The following DCLK2 variants were observed in gnomAD, a reference collection of about 807,000 sequenced individuals.
The protein encoded by DCLK2 is doublecortin like kinase 2.
DCLK2 carries 31 observed loss-of-function variants against 78.4 expected under a neutral mutation model. That is an observed-to-expected ratio of 0.40 (90% CI 0.30 to 0.53). The LOEUF (loss-of-function observed/expected upper bound fraction) is 0.53. Ranked by LOEUF, DCLK2 falls within the 20% of genes least tolerant of loss-of-function variation. DCLK2 has a pLI of 0.61. For synonymous variants in DCLK2, 407 were observed against 374.9 expected, an observed-to-expected ratio of 1.09 and a Z score of -0.99; for missense variants, 872 against 973.7, an observed-to-expected ratio of 0.90 and a Z score of 1.39.
intron 2 of DCLK2, among the ~76,000 whole-genome samples, chr4:150,128,786 C>CT (rs1051233047): frequency 3.4e-4 from 51 of 152,070 alleles, no homozygotes; most frequent in African/African-American, 1.2e-3. Flanking sequence ...AGTGGAGTGT[C>CT]TTAAGTCCAT....
At chr4:150,174,853 C>T (rs1295523012) in intron 2 of DCLK2, among the ~76,000 whole-genome samples, 1 of 148,936 alleles carries the variant, frequency 6.7e-6, no homozygotes, top group African/African-American at 2.5e-5. Context: ...AAAAATTAGC[C>T]AGGTGGTGGT....
Position 150,181,264 on chromosome 4 carries a change from C to A in DCLK2, c.757-11874C>A, listed in dbSNP as rs533655765. ...CTTACGATGGGGAAGAAAGGGATCACCTTTCTGCCCCTACAGTTCCAGCCT... is the reference window on the plus strand; with the variant it reads ...CTTACGATGGGGAAGAAAGGGATCAACTTTCTGCCCCTACAGTTCCAGCCT... On this transcript the variant is annotated intron_variant, in intron 2 of 15. Transcript: ENST00000296550. Among the ~76,000 whole-genome samples, 11 of 152,250 alleles carry A rather than the reference C, an allele frequency of 7.2e-5. No homozygotes were observed. In the South Asian group the frequency reaches 2.3e-3, roughly 32 times the overall value.
At chr4:150,125,581 A>G (rs1254469891) in intron 2 of DCLK2, among the ~76,000 whole-genome samples, 1 of 152,182 alleles carries the variant, frequency 6.6e-6, no homozygotes, top group Non-Finnish European at 1.5e-5. Context: ...TCTAAAAATG[A>G]CTATCTAAAA....
chr4:150,167,838 A>G (rs1322908271), intron 2 of DCLK2, among the ~76,000 whole-genome samples: 1 of 152,220 alleles, frequency 6.6e-6, no homozygotes, highest in Non-Finnish European at 1.5e-5. Context: ...GCAAAATGGC[A>G]GAGTTTAACT....
chr4:150,148,090 G>T (rs914256648), intron 2 of DCLK2, among the ~76,000 whole-genome samples: 14 of 152,132 alleles, frequency 9.2e-5, no homozygotes, highest in African/African-American at 3.1e-4. Context: ...TTTTGTGGCT[G>T]GTCACAGTGG....
At chr4:150,189,968 GC>G (rs1738274027) in intron 2 of DCLK2, among the ~76,000 whole-genome samples, 1 of 146,402 alleles carries the variant, frequency 6.8e-6, no homozygotes, top group Non-Finnish European at 1.5e-5. Flanking sequence ...GATCACTTGA[GC>G]CCAGGAGTTG....
At chr4:150,193,006 C>A in intron 2 of DCLK2, 132 bp from the exon 3 acceptor site, 1 of 570,140 alleles carries the variant, frequency 1.8e-6, no homozygotes, top group Non-Finnish European at 3.1e-6. Flanking sequence ...TGCTTAGAAA[C>A]GTAGTTATAT....
At chr4:150,180,111 A>G (rs1423937308) in intron 2 of DCLK2, among the ~76,000 whole-genome samples, 1 of 152,220 alleles carries the variant, frequency 6.6e-6, no homozygotes, top group Non-Finnish European at 1.5e-5. Context: ...TAGGTTGTAA[A>G]TTACACTGTT....
chr4:150,250,847 A>C (rs1477899069), intron 15 of DCLK2, among the ~76,000 whole-genome samples: 1 of 143,298 alleles, frequency 7.0e-6, no homozygotes, highest in Non-Finnish European at 1.5e-5. Context: ...CCACACACAT[A>C]ACCCACATCC....
At chr4:150,231,314 C>T (rs1287532920) in intron 8 of DCLK2, among the ~76,000 whole-genome samples, 2 of 152,248 alleles carry the variant, frequency 1.3e-5, no homozygotes, top group East Asian at 3.8e-4. Flanking sequence ...TGCACTGTCA[C>T]TCGCTAAGAT....
intron 5 of DCLK2, among the ~76,000 whole-genome samples, chr4:150,212,351 G>A (rs1301638899): frequency 2.0e-5 from 3 of 152,156 alleles, no homozygotes; most frequent in South Asian, 2.1e-4. Flanking sequence ...GTAACTCTTC[G>A]ACCTTCTGAA....
At chr4:150,094,374 A>ATTT in intron 1 of DCLK2, among the ~76,000 whole-genome samples, 1 of 152,356 alleles carries the variant, frequency 6.6e-6, no homozygotes, top group Admixed American at 6.5e-5. Context: ...CAACTGTTTA[A>ATTT]AAAAGAGTAT....
chr4:150,146,755 G>A (rs1280204947), intron 2 of DCLK2, among the ~76,000 whole-genome samples: 4 of 152,168 alleles, frequency 2.6e-5, no homozygotes, highest in Non-Finnish European at 4.4e-5. Flanking sequence ...TATGAGTTCT[G>A]TAATTTGATT....
intron 1 of DCLK2, among the ~76,000 whole-genome samples, chr4:150,088,415 T>C (rs1729797429): frequency 6.6e-6 from 1 of 151,484 alleles, no homozygotes; most frequent in Non-Finnish European, 1.5e-5. Flanking sequence ...TTCGTATATA[T>C]ATCTTTTTTT....
At chr4:150,248,441 C>G in intron 14 of DCLK2, 56 bp downstream of exon 14, 2 of 1,407,212 alleles carry the variant, frequency 1.4e-6, no homozygotes, top group South Asian at 1.2e-5. Context: ...GCCAACAGCA[C>G]GGTTCCTCAC....
chr4:150,255,216 C>T (rs943816019), intron 15 of DCLK2, among the ~76,000 whole-genome samples: 5 of 152,366 alleles, frequency 3.3e-5, no homozygotes, highest in Admixed American at 2.6e-4. Flanking sequence ...TGGCAATTGT[C>T]CCTTTCAGCT....
At chr4:150,130,751 G>A (rs1733256175) in intron 2 of DCLK2, among the ~76,000 whole-genome samples, 1 of 152,070 alleles carries the variant, frequency 6.6e-6, no homozygotes, top group Non-Finnish European at 1.5e-5. Flanking sequence ...CTCTAGATGT[G>A]ATCTAGACTA....
intron 10 of DCLK2, among the ~76,000 whole-genome samples, chr4:150,235,515 C>T (rs1315699879): frequency 6.6e-6 from 1 of 152,134 alleles, no homozygotes; most frequent in Admixed American, 6.5e-5. Flanking sequence ...ACGGGAGCCC[C>T]CTTGTGTTAG....
chr4:150,137,249 G>C (rs993555599), intron 2 of DCLK2, among the ~76,000 whole-genome samples: 6 of 152,098 alleles, frequency 3.9e-5, no homozygotes, highest in Non-Finnish European at 2.9e-5. Flanking sequence ...GTTGTCTGGG[G>C]CAGCTTCCCT....
Sources: allele counts gnomAD v4.1 joint callset (sites outside exome capture counted in the v4.1 genomes callset), GRCh38; gene constraint gnomAD v4.1.1; transcripts MANE v1.5; gene names NCBI Gene and HGNC (gene_info 2026-07-23, HGNC 2026-07-21).